UBE2E3: variants seen among roughly 807,000 people sequenced by gnomAD.
UBE2E3 encodes ubiquitin-conjugating enzyme E2 E3.
UBE2E3 carries 5 observed loss-of-function variants against 23.6 expected under a neutral mutation model. The observed-to-expected ratio is 0.21, with a 90% CI of 0.11 to 0.44. UBE2E3 has a LOEUF of 0.44. Ranked by LOEUF, UBE2E3 falls within the 20% of genes least tolerant of loss-of-function variation. The pLI, the probability that UBE2E3 is intolerant of heterozygous loss-of-function variation, is 0.99. For missense variants in UBE2E3, 81 were observed against 249.8 expected (o/e 0.32, Z 4.55); for synonymous variants, 78 against 87.5 (o/e 0.89, Z 0.60).
chr2:181,005,936 T>C (rs1049764730), intron 3 of UBE2E3, among the ~76,000 whole-genome samples: 8 of 152,214 alleles, frequency 5.3e-5, no homozygotes, highest in Non-Finnish European at 7.3e-5. Context: ...TGGCAATTTC[T>C]TAGAAGAGGC....
At chr2:181,030,333 A>T (rs1473294790) in intron 3 of UBE2E3, among the ~76,000 whole-genome samples, 1 of 151,918 alleles carries the variant, frequency 6.6e-6, no homozygotes, top group Non-Finnish European at 1.5e-5. Context: ...TTATTTTTTG[A>T]GACGGAGTCT....
At chr2:181,007,428 A>G (rs1426096322) in intron 3 of UBE2E3, among the ~76,000 whole-genome samples, 1 of 152,208 alleles carries the variant, frequency 6.6e-6, no homozygotes. Context: ...TTTTATAAAT[A>G]TAAGAGAGTA....
intron 3 of UBE2E3, among the ~76,000 whole-genome samples, chr2:181,012,272 T>C (rs1346212033): frequency 6.6e-6 from 1 of 152,214 alleles, no homozygotes; most frequent in Non-Finnish European, 1.5e-5. Flanking sequence ...GTATATACTG[T>C]AAATTTTCAA....
intron 3 of UBE2E3, among the ~76,000 whole-genome samples, chr2:181,001,172 G>C (rs531314758): frequency 1.8e-4 from 27 of 152,246 alleles, no homozygotes; most frequent in African/African-American, 6.5e-4. Context: ...AGAATTTTTG[G>C]TTTTCTGTAC....
chr2:181,036,449 GGCCATTGTGTGGAGTTT>G (rs1336063170), intron 3 of UBE2E3, among the ~76,000 whole-genome samples: 1 of 152,336 alleles, frequency 6.6e-6, no homozygotes, highest in East Asian at 1.9e-4. Context: ...TCCTGGCAGG[GGCCATTGTGTGGAGTTT>G]GCATCTTCTC....
At chr2:181,017,443 T>C (rs529813413) in intron 3 of UBE2E3, among the ~76,000 whole-genome samples, 2 of 152,238 alleles carry the variant, frequency 1.3e-5, no homozygotes, top group South Asian at 4.1e-4. Context: ...TGATCCCTCC[T>C]GGATTAAGCC....
chr2:181,011,427 G>A (rs959758802), intron 3 of UBE2E3, among the ~76,000 whole-genome samples: 4 of 152,042 alleles, frequency 2.6e-5, no homozygotes, highest in African/African-American at 4.8e-5. Context: ...TGGAGCTCCC[G>A]CAGCCCAGTT....
intron 3 of UBE2E3, among the ~76,000 whole-genome samples, chr2:181,006,495 TAAAC>T (rs1685151168): frequency 6.6e-6 from 1 of 151,948 alleles, no homozygotes; most frequent in Non-Finnish European, 1.5e-5. Context: ...GAATTTCAAA[TAAAC>T]AATAATTTTT....
Position 180,984,109 on chromosome 2 carries a change from T to C in UBE2E3, c.245+16T>C, listed in dbSNP as rs1413252532. ...CTAATTGCAGGTAAGAAATGAATTT[T>C]GTTGTTTTGGTTTCAAATTGTGGAA... On this transcript the variant is annotated intron_variant, in intron 3 of 5. Coordinates refer to ENST00000410062, the MANE Select transcript of UBE2E3 (RefSeq NM_006357.4). 6.2e-7 allele frequency: 1 copy of C among 1,606,510 alleles called. No individual in the cohort carries two copies. The highest frequency in any genetic ancestry group is 1.7e-5 in the Admixed American group (1 of 59,824).
At chr2:180,986,004 A>T (rs62180077) in intron 3 of UBE2E3, among the ~76,000 whole-genome samples, 2 of 151,964 alleles carry the variant, frequency 1.3e-5, no homozygotes, top group Non-Finnish European at 2.9e-5. Context: ...TCAATGAGAT[A>T]GGAGGTTTCA....
intron 3 of UBE2E3, among the ~76,000 whole-genome samples, chr2:180,984,789 A>G (rs932422829): frequency 1.3e-5 from 2 of 152,218 alleles, no homozygotes; most frequent in African/African-American, 2.4e-5. Flanking sequence ...TATAAGATAC[A>G]TTAAAAGTAG....
At chr2:180,997,381 ATT>A (rs1684856892) in intron 3 of UBE2E3, among the ~76,000 whole-genome samples, 2 of 151,356 alleles carry the variant, frequency 1.3e-5, no homozygotes, top group Non-Finnish European at 2.9e-5. Context: ...CATATGACTT[ATT>A]CTGTTTCTTT....
At chr2:180,992,726 A>G (rs1446764323) in intron 3 of UBE2E3, among the ~76,000 whole-genome samples, 5 of 151,936 alleles carry the variant, frequency 3.3e-5, no homozygotes, top group Non-Finnish European at 4.4e-5. Context: ...AAATGGCGCA[A>G]TGTCAGCTCA....
At chr2:180,981,769 A>G (rs1246652409) in intron 1 of UBE2E3, among the ~76,000 whole-genome samples, 1 of 152,194 alleles carries the variant, frequency 6.6e-6, no homozygotes, top group Non-Finnish European at 1.5e-5. Flanking sequence ...TAGACAATTG[A>G]TAGATTGTCC....
chr2:181,006,812 G>A (rs529465198), intron 3 of UBE2E3, among the ~76,000 whole-genome samples: 7 of 151,972 alleles, frequency 4.6e-5, no homozygotes, highest in Non-Finnish European at 1.0e-4. Flanking sequence ...GAAACCCTTT[G>A]GATCCTCTGA....
chr2:181,062,265 A>G (rs1381734331), intron 5 of UBE2E3, among the ~76,000 whole-genome samples: 2 of 151,674 alleles, frequency 1.3e-5, no homozygotes, highest in East Asian at 1.9e-4. Flanking sequence ...ATAAAAATTT[A>G]TATCAGGTTC....
intron 3 of UBE2E3, among the ~76,000 whole-genome samples, chr2:181,007,114 A>AT (rs910892185): frequency 2.9e-4 from 44 of 151,504 alleles, no homozygotes; most frequent in Admixed American, 1.2e-3. Context: ...AAATTTAATC[A>AT]TTTTTTTTTC....
At chr2:180,990,845 C>T (rs2105574928) in intron 3 of UBE2E3, among the ~76,000 whole-genome samples, 1 of 152,300 alleles carries the variant, frequency 6.6e-6, no homozygotes, top group South Asian at 2.1e-4. Context: ...TTATTTTCAT[C>T]ATTATGACAA....
intron 3 of UBE2E3, among the ~76,000 whole-genome samples, chr2:181,043,741 A>T (rs1686585753): frequency 6.6e-6 from 1 of 152,180 alleles, no homozygotes; most frequent in Admixed American, 6.5e-5. Flanking sequence ...GTATACACAT[A>T]TACAAATTGT....
Sources: gnomAD v4.1 joint callset for allele counts (sites outside exome capture counted in the v4.1 genomes callset) on GRCh38, gnomAD v4.1.1 for gene constraint, MANE v1.5 for transcripts, NCBI Gene and HGNC (gene_info 2026-07-23, HGNC 2026-07-21) for gene names.